Variants in GPC5 observed in about 807,000 individuals in gnomAD.
GPC5 encodes the protein glypican-5.
In GPC5, 47 loss-of-function variants were observed where a neutral mutation model predicts 53.9. The observed-to-expected ratio is 0.87, with a 90% CI of 0.69 to 1.11. The LOEUF (loss-of-function observed/expected upper bound fraction) is 1.11. Ranked by LOEUF, GPC5 falls within the 50% of genes most tolerant of loss-of-function variation. GPC5 has a pLI of 0.00. For missense variants in GPC5, 748 were observed against 713.1 expected (o/e 1.05, Z -0.56); for synonymous variants, 286 against 263.3 (o/e 1.09, Z -0.84).
chr13:92,221,344 A>G (rs1218225431), intron 7 of GPC5, among the ~76,000 whole-genome samples: 1 of 152,170 alleles, frequency 6.6e-6, no homozygotes, highest in Non-Finnish European at 1.5e-5. Context: ...TATACAGTGT[A>G]TGGTGTTGAT....
intron 5 of GPC5, among the ~76,000 whole-genome samples, chr13:91,906,922 T>A (rs2039558709): frequency 6.6e-6 from 1 of 151,534 alleles, no homozygotes; most frequent in African/African-American, 2.4e-5. Context: ...CTTAAAAATT[T>A]GATTATTTAA....
intron 7 of GPC5, among the ~76,000 whole-genome samples, chr13:92,856,528 A>G (rs1332521028): frequency 6.6e-6 from 1 of 152,122 alleles, no homozygotes; most frequent in Non-Finnish European, 1.5e-5. Context: ...CCAAATAGGA[A>G]ATGAGGAAGT....
chr13:92,228,333 A>T (rs2042504233), intron 7 of GPC5, among the ~76,000 whole-genome samples: 1 of 152,162 alleles, frequency 6.6e-6, no homozygotes, highest in Non-Finnish European at 1.5e-5. Context: ...ATAAAAGTAA[A>T]ATTATTGTAA....
At chr13:92,077,512 A>G (rs2041261690) in intron 6 of GPC5, among the ~76,000 whole-genome samples, 1 of 152,298 alleles carries the variant, frequency 6.6e-6, no homozygotes, top group East Asian at 1.9e-4. Context: ...GCCCCGTTTC[A>G]TGGTAGCATT....
At position 91,454,478 on chromosome 13, in the gene GPC5, A is replaced by C. The variant is rs532600309; in HGVS notation, c.325+5556A>C. ...CTTATAGCTGGTGAAACAGTTCTTG[A>C]TTTTATATTAAATACACTTTCAGTT... On this transcript the variant is annotated intron_variant, in intron 2 of 7. Transcript: ENST00000377067. Among the ~76,000 whole-genome samples the C allele has an allele frequency of 1.6e-4, 24 of 152,152 alleles. No individual in the cohort carries two copies. The South Asian group carries it at 2.5e-3, about 16-fold the overall frequency.
chr13:92,161,309 A>G (rs1185150213), intron 7 of GPC5, among the ~76,000 whole-genome samples: 2 of 152,210 alleles, frequency 1.3e-5, no homozygotes, highest in African/African-American at 4.8e-5. Context: ...AACTATTTCC[A>G]ATAAAGCTTG....
intron 2 of GPC5, among the ~76,000 whole-genome samples, chr13:91,598,891 C>T (rs1017985154): frequency 4.0e-5 from 6 of 151,746 alleles, no homozygotes; most frequent in Admixed American, 3.9e-4. Context: ...AGAAGGTGAG[C>T]TCAAAACAAG....
At chr13:92,097,330 G>A (rs1336453575) in intron 6 of GPC5, among the ~76,000 whole-genome samples, 18 of 152,078 alleles carry the variant, frequency 1.2e-4, no homozygotes. Context: ...ACTGAGAGAA[G>A]AATTGTTAAA....
chr13:91,921,137 G>A (rs1382671871), intron 6 of GPC5, among the ~76,000 whole-genome samples: 3 of 151,576 alleles, frequency 2.0e-5, no homozygotes, highest in African/African-American at 7.3e-5. Context: ...GGGTTTCACT[G>A]TGTTGGCCAG....
At chr13:92,591,087 T>C (rs926665299) in intron 7 of GPC5, among the ~76,000 whole-genome samples, 1 of 152,232 alleles carries the variant, frequency 6.6e-6, no homozygotes, top group Non-Finnish European at 1.5e-5. Context: ...TTAAAATAAC[T>C]TTTCATGTCC....
chr13:92,016,297 A>G (rs191556240), intron 6 of GPC5, among the ~76,000 whole-genome samples: 23 of 152,334 alleles, frequency 1.5e-4, no homozygotes, highest in African/African-American at 5.5e-4. Flanking sequence ...TGTTTTTCAT[A>G]TATTATTTAT....
At chr13:91,525,969 G>A (rs944531869) in intron 2 of GPC5, among the ~76,000 whole-genome samples, 1 of 152,160 alleles carries the variant, frequency 6.6e-6, no homozygotes, top group Non-Finnish European at 1.5e-5. Context: ...TTGAATTTAT[G>A]TAGCAAGAAA....
intron 7 of GPC5, among the ~76,000 whole-genome samples, chr13:92,508,935 T>A (rs1880469261): frequency 1.3e-5 from 2 of 152,212 alleles, no homozygotes; most frequent in African/African-American, 4.8e-5. Context: ...TATGAAGGAC[T>A]GGGCGCCTAC....
At chr13:92,671,935 A>T (rs1271868690) in intron 7 of GPC5, among the ~76,000 whole-genome samples, 2 of 152,192 alleles carry the variant, frequency 1.3e-5, no homozygotes, top group Non-Finnish European at 2.9e-5. Flanking sequence ...ACATTATCTT[A>T]AAGTGTTAAG....
chr13:91,881,620 C>A (rs992629961), intron 5 of GPC5, among the ~76,000 whole-genome samples: 5 of 152,092 alleles, frequency 3.3e-5, no homozygotes, highest in African/African-American at 1.2e-4. Flanking sequence ...ATTAAATTTT[C>A]AGCATTAACT....
chr13:92,301,808 G>A (rs1594083700), intron 7 of GPC5, among the ~76,000 whole-genome samples: 1 of 152,108 alleles, frequency 6.6e-6, no homozygotes, highest in East Asian at 1.9e-4. Context: ...TGAGGCAGGA[G>A]AATCACTTGA....
At chr13:91,864,305 C>A (rs1270780000) in intron 5 of GPC5, among the ~76,000 whole-genome samples, 1 of 152,110 alleles carries the variant, frequency 6.6e-6, no homozygotes, top group Admixed American at 6.5e-5. Context: ...TTGATAAATT[C>A]ACATGTAAAT....
intron 5 of GPC5, among the ~76,000 whole-genome samples, chr13:91,897,283 C>A (rs2039452238): frequency 6.6e-6 from 1 of 151,646 alleles, no homozygotes; most frequent in Non-Finnish European, 1.5e-5. Context: ...TTTCCACAGG[C>A]CCAGGAACAC....
chr13:91,412,249 G>T (rs897609675), intron 1 of GPC5, among the ~76,000 whole-genome samples: 1 of 152,184 alleles, frequency 6.6e-6, no homozygotes, highest in East Asian at 1.9e-4. Context: ...GTGCCTTTTC[G>T]TGGCTGAATT....
Sources: allele counts gnomAD v4.1 joint callset (sites outside exome capture counted in the v4.1 genomes callset), GRCh38; gene constraint gnomAD v4.1.1; transcripts MANE v1.5; gene names NCBI Gene and HGNC (gene_info 2026-07-23, HGNC 2026-07-21).